The following AKAP13 variants were observed in gnomAD, a reference collection of about 807,000 sequenced individuals.
The protein encoded by AKAP13 is A-kinase anchoring protein 13.
A neutral mutation model predicts 264.5 loss-of-function variants in AKAP13; 80 were observed. That is an observed-to-expected ratio of 0.30 (90% CI 0.25 to 0.36). AKAP13 has a LOEUF of 0.36. Ranked by LOEUF, AKAP13 falls within the 10% of genes least tolerant of loss-of-function variation. AKAP13 has a pLI of 1.00. For missense variants in AKAP13, 3,712 were observed against 3,435.2 expected (o/e 1.08, Z -2.01); for synonymous variants, 1,380 against 1,250.2 (o/e 1.10, Z -2.19).
At chr15:85,683,104 TCA>T (rs928591810) in intron 15 of AKAP13, among the ~76,000 whole-genome samples, 2 of 152,258 alleles carry the variant, frequency 1.3e-5, no homozygotes, top group African/African-American at 4.8e-5. Flanking sequence ...GCCTTCTTTT[TCA>T]CAGAGGCATC....
intron 1 of AKAP13, among the ~76,000 whole-genome samples, chr15:85,452,324 T>G (rs1021242651): frequency 5.3e-5 from 8 of 152,110 alleles, no homozygotes; most frequent in Admixed American, 4.6e-4. Context: ...ATCCCGAATC[T>G]CAATGATCTT....
intron 1 of AKAP13, among the ~76,000 whole-genome samples, chr15:85,385,041 A>G (rs1363315558): frequency 6.6e-6 from 1 of 152,184 alleles, no homozygotes; most frequent in African/African-American, 2.4e-5. Context: ...GTTTTTGACC[A>G]TTTATGTCAC....
At chr15:85,649,083 G>A (rs534614444) in intron 10 of AKAP13, among the ~76,000 whole-genome samples, 4 of 152,296 alleles carry the variant, frequency 2.6e-5, no homozygotes, top group Admixed American at 1.3e-4. Context: ...AAAAAGGAGA[G>A]AGACTAATAT....
chr15:85,562,478 TC>T (rs1230441244), intron 5 of AKAP13, among the ~76,000 whole-genome samples: 2 of 148,652 alleles, frequency 1.3e-5, no homozygotes, highest in African/African-American at 5.0e-5. Flanking sequence ...GGTGGGAGAA[TC>T]GCTTGTACCT....
At position 85,580,926 on chromosome 15, in the gene AKAP13, C is replaced by T; in HGVS notation, c.2858C>T (p.Thr953Ile). Reference protein sequence around the residue: ...SSGTLQEEQRTPPPGQDTQQF... With the variant: ...SSGTLQEEQRIPPPGQDTQQF... The stretch of plus-strand genomic sequence containing the variant: ...GGAACTTTGCAGGAAGAGCAGAGAA[C>T]ACCACCTCCTGGACAAGATACTCAA... Residue 953 changes from threonine (T) to isoleucine (I), a missense_variant, in exon 7 of 37, where the codon ACA becomes ATA. Physicochemically the swap from Thr to Ile is moderately conservative, Grantham distance 89 (BLOSUM62 -1). This residue lies in a region of AKAP13 where 2,759 missense variants were observed against 2,411.7 expected (regional missense o/e 1.14). Transcript: ENST00000394518. 1 of 1,614,202 alleles carries T rather than the reference C, an allele frequency of 6.2e-7. No homozygotes were observed. The highest frequency in any genetic ancestry group is 8.5e-7 in the Non-Finnish European group (1 of 1,180,038).
chr15:85,431,188 G>T (rs749042272), intron 1 of AKAP13, among the ~76,000 whole-genome samples: 1 of 151,982 alleles, frequency 6.6e-6, no homozygotes, highest in Non-Finnish European at 1.5e-5. Context: ...CTCACTCTAG[G>T]GCAAGCAACA....
rs930278994 is a variant in AKAP13 at position 85,749,143 on chromosome 15, C to T, written c.*4466C>T. On this transcript the variant is annotated 3_prime_UTR_variant, in exon 37 of 37. Transcript: ENST00000394518. The stretch of plus-strand genomic sequence containing the variant: ...GCTAAATCCTATTAAATAAAAAAGA[C>T]GGGTTAAAACCCAGATGCTGTATAT... 2.0e-5 allele frequency: 3 copies of T among 152,198 alleles called. No individual in the cohort carries two copies. The highest frequency in any genetic ancestry group is 2.9e-5 in the Non-Finnish European group (2 of 68,038). 9.4% of individuals were successfully genotyped at this position (152,198 alleles called of 1,614,324 possible).
chr15:85,653,368 G>A (rs1254172200), intron 10 of AKAP13, among the ~76,000 whole-genome samples: 3 of 152,194 alleles, frequency 2.0e-5, no homozygotes, highest in Admixed American at 6.5e-5. Flanking sequence ...GCCTGCGTCC[G>A]TTGGAAAATC....
In AKAP13 at chr15:85,606,708, A is replaced by C. The variant is rs145647394; in HGVS notation, c.4161+20885A>C. On this transcript the variant is annotated intron_variant, in intron 8 of 36. Transcript: ENST00000394518. ...TAAAGACTTTTCCGGTTTTGCCTAG[A>C]CTGGGAAGAACATCATGGCAGGGTC... Among the ~76,000 whole-genome samples, 932 of 152,308 alleles carry C rather than the reference A, an allele frequency of 6.1e-3. 10 individuals carry two copies. Among genetic ancestry groups the C allele is most frequent in the African/African-American group, 0.021 (872 of 41,562 alleles).
At chr15:85,471,065 T>C (rs1056610904) in intron 1 of AKAP13, among the ~76,000 whole-genome samples, 1 of 152,164 alleles carries the variant, frequency 6.6e-6, no homozygotes, top group Admixed American at 6.5e-5. Context: ...ACTGCCCTCA[T>C]TGTGGAGGAA....
intron 2 of AKAP13, among the ~76,000 whole-genome samples, chr15:85,490,512 G>A (rs779837890): frequency 3.3e-5 from 5 of 152,230 alleles, no homozygotes; most frequent in African/African-American, 1.2e-4. Context: ...GAATAGATGA[G>A]CTCTTTGAGA....
At chr15:85,430,913 C>T (rs1300472724) in intron 1 of AKAP13, among the ~76,000 whole-genome samples, 1 of 152,204 alleles carries the variant, frequency 6.6e-6, no homozygotes, top group Non-Finnish European at 1.5e-5. Flanking sequence ...TTCAAATCCA[C>T]ACATGCTTTT....
chr15:85,519,810 G>A (rs560030709), intron 2 of AKAP13, among the ~76,000 whole-genome samples: 3 of 152,284 alleles, frequency 2.0e-5, no homozygotes, highest in East Asian at 3.9e-4. Flanking sequence ...TTGCTTTTTA[G>A]TGTTTAGTAA....
intron 17 of AKAP13, among the ~76,000 whole-genome samples, chr15:85,704,702 T>C (rs1443514540): frequency 1.3e-5 from 2 of 152,186 alleles, no homozygotes; most frequent in Non-Finnish European, 1.5e-5. Flanking sequence ...ATCTATCAAA[T>C]AAATAAATAA....
At position 85,742,030 on chromosome 15, in the gene AKAP13, G is replaced by A. The variant is rs139839132; in HGVS notation, c.8058+535G>A. On this transcript the variant is annotated intron_variant, in intron 35 of 36. Coordinates refer to ENST00000394518, the MANE Select transcript of AKAP13 (RefSeq NM_007200.5). ...ACTGCACTCCAGCCTGAGCAACTCC[G>A]TCTCAAAAAAACACACACAGAAAAA... is the stretch of plus-strand genomic sequence containing the variant. Among the ~76,000 whole-genome samples the A allele has an allele frequency of 1.1e-3, 170 of 152,184 alleles. 3 individuals carry two copies. Among genetic ancestry groups the A allele is most frequent in the African/African-American group, 3.9e-3 (162 of 41,530 alleles).
chr15:85,695,776 C>G (rs2151646384), intron 17 of AKAP13, among the ~76,000 whole-genome samples: 1 of 152,316 alleles, frequency 6.6e-6, no homozygotes, highest in East Asian at 1.9e-4. Context: ...TTGAGAGCCA[C>G]TACCACATAA....
chr15:85,428,636 C>A (rs988265163), intron 1 of AKAP13, among the ~76,000 whole-genome samples: 1 of 152,202 alleles, frequency 6.6e-6, no homozygotes, highest in Admixed American at 6.5e-5. Flanking sequence ...TGGGTTTGTA[C>A]CCATGCTACT....
chr15:85,446,453 A>G (rs1039184490), intron 1 of AKAP13, among the ~76,000 whole-genome samples: 9 of 152,200 alleles, frequency 5.9e-5, no homozygotes, highest in Non-Finnish European at 5.9e-5. Flanking sequence ...CATGTAGAAG[A>G]TGGATTCAGT....
intron 17 of AKAP13, among the ~76,000 whole-genome samples, chr15:85,696,497 C>G (rs535717823): frequency 2.0e-5 from 3 of 152,264 alleles, no homozygotes; most frequent in East Asian, 3.9e-4. Context: ...TAAATAAGAG[C>G]TGTAAAATCT....
Sources: gnomAD v4.1 joint callset for allele counts (sites outside exome capture counted in the v4.1 genomes callset) on GRCh38, gnomAD v4.1.1 for gene constraint, gnomAD v4.1.1 regional missense constraint, MANE v1.5 for transcripts, NCBI Gene and HGNC (gene_info 2026-07-23, HGNC 2026-07-21) for gene names.